The following SULF1 variants were observed in gnomAD, a reference collection of about 807,000 sequenced individuals.
SULF1 encodes the protein sulfatase 1, also known as extracellular sulfatase Sulf-1.
A neutral mutation model predicts 110.5 loss-of-function variants in SULF1; 46 were observed. That is an observed-to-expected ratio of 0.42 (90% CI 0.33 to 0.53). The LOEUF (loss-of-function observed/expected upper bound fraction) is 0.53. Among genes scored for constraint, SULF1 ranks in the 20% least tolerant of loss-of-function variants. The pLI, the probability that SULF1 is intolerant of heterozygous loss-of-function variation, is 0.12. For missense variants in SULF1, 941 were observed against 1,094.2 expected, an observed-to-expected ratio of 0.86 and a Z score of 1.98; for synonymous variants, 371 against 387.1, an observed-to-expected ratio of 0.96 and a Z score of 0.49.
chr8:69,535,497 A>AC lies in SULF1; in HGVS notation c.-133-28042_-133-28041insC, dbSNP rs57855879. On this transcript the variant is annotated intron_variant, in intron 3 of 22. Transcript: ENST00000402687. Reference sequence around the variant, plus strand: ...GTACAAGGGATAGCAAAGAGGAAAAATTATTTCCTCAAAACAAAATCAGGG... The same window carrying AC: ...GTACAAGGGATAGCAAAGAGGAAAAACTTATTTCCTCAAAACAAAATCAGGG... Among the ~76,000 whole-genome samples the AC allele has an allele frequency of 6.2e-3, 931 of 151,254 alleles. 15 individuals are homozygous for AC. Among genetic ancestry groups the AC allele is most frequent in the African/African-American group, 0.021 (858 of 41,130 alleles).
In SULF1 at chr8:69,627,793, ATTAAGAAT is replaced by A; in HGVS notation, c.1976_1983del (p.Asn659ArgfsTer12). ...CCAGATTGAAGCTCTGCAAGATAAA[ATTAAGAAT>A]TTAAGAGAAGTGAGAGGACATCTGA... On this transcript the variant is annotated frameshift_variant, in exon 17 of 23. Coordinates refer to ENST00000402687, the MANE Select transcript of SULF1 (RefSeq NM_001128205.2). LOFTEE classifies it high-confidence loss of function. 6.2e-7 allele frequency: 1 copy of A among 1,612,346 alleles called. No homozygotes were observed. Among genetic ancestry groups the A allele is most frequent in the Non-Finnish European group, 8.5e-7 (1 of 1,179,238 alleles).
At chr8:69,507,952 A>G (rs192528544) in intron 3 of SULF1, among the ~76,000 whole-genome samples, 220 of 152,344 alleles carry the variant, frequency 1.4e-3, no homozygotes, top group African/African-American at 4.9e-3. Context: ...ATATATTTGA[A>G]GACTGCTTTG....
chr8:69,516,367 G>GGGAGAA (rs1297980448), intron 3 of SULF1, among the ~76,000 whole-genome samples: 2 of 135,062 alleles, frequency 1.5e-5, no homozygotes, highest in Admixed American at 1.5e-4. Flanking sequence ...GGAGAGTAAA[G>GGGAGAA]GGAGAAGTGC....
chr8:69,656,821 CCTTT>C (rs1812770755), intron 22 of SULF1, among the ~76,000 whole-genome samples: 3 of 152,164 alleles, frequency 2.0e-5, no homozygotes, highest in Non-Finnish European at 4.4e-5. Flanking sequence ...GATTTATATT[CCTTT>C]GAGTACATAT....
intron 3 of SULF1, chr8:69,563,133 A>G (rs898388349): frequency 6.6e-6 from 1 of 152,502 alleles, no homozygotes. Flanking sequence ...GGTACTCAGT[A>G]TCACACGCAG....
chr8:69,611,204 A>T (rs1808626380), intron 13 of SULF1, among the ~76,000 whole-genome samples: 1 of 152,250 alleles, frequency 6.6e-6, no homozygotes, highest in South Asian at 2.1e-4. Context: ...TATGAATTAA[A>T]TGTATCAAGC....
intron 3 of SULF1, among the ~76,000 whole-genome samples, chr8:69,502,528 A>G (rs1012809259): frequency 1.3e-5 from 2 of 152,028 alleles, no homozygotes; most frequent in African/African-American, 4.8e-5. Flanking sequence ...TGAGGGTACA[A>G]CCTCATGAGG....
intron 1 of SULF1, among the ~76,000 whole-genome samples, chr8:69,474,455 T>A (rs938619509): frequency 6.6e-6 from 1 of 152,188 alleles, no homozygotes; most frequent in East Asian, 1.9e-4. Flanking sequence ...TGTAAACAGA[T>A]GTGCTTTACC....
chr8:69,538,960 G>A (rs936985213), intron 3 of SULF1, among the ~76,000 whole-genome samples: 22 of 152,180 alleles, frequency 1.4e-4, no homozygotes, highest in African/African-American at 4.8e-4. Context: ...CAAAGTGCTG[G>A]GATTGCAGGC....
chr8:69,570,167 A>T (rs1456515614), intron 5 of SULF1, among the ~76,000 whole-genome samples: 1 of 152,164 alleles, frequency 6.6e-6, no homozygotes, highest in African/African-American at 2.4e-5. Flanking sequence ...ACAATCAGTA[A>T]GAGCTGGGTT....
intron 13 of SULF1, among the ~76,000 whole-genome samples, chr8:69,615,152 T>C (rs1010128581): frequency 2.0e-5 from 3 of 152,222 alleles, no homozygotes; most frequent in Non-Finnish European, 4.4e-5. Context: ...GTGCCTCACC[T>C]GAGCTCAGGC....
chr8:69,606,790 C>G (rs72658276), intron 13 of SULF1, among the ~76,000 whole-genome samples: 34,831 of 152,138 alleles, frequency 0.23, 4,078 homozygotes, highest in Middle Eastern at 0.29. Flanking sequence ...GAAATGCTTT[C>G]ATATCTGGAA....
At chr8:69,490,667 A>T (rs1047154998), upstream of SULF1, among the ~76,000 whole-genome samples, 2 of 152,166 alleles carry the variant, frequency 1.3e-5, no homozygotes, top group Non-Finnish European at 2.9e-5. Context: ...ATGAGATAAT[A>T]TCTCAGGTTT....
chr8:69,528,092 A>G (rs1390839645), intron 3 of SULF1, among the ~76,000 whole-genome samples: 1 of 152,114 alleles, frequency 6.6e-6, no homozygotes, highest in Non-Finnish European at 1.5e-5. Flanking sequence ...TCTTCCTCTA[A>G]TCCTTTTCAG....
At position 69,563,980 on chromosome 8, in the gene SULF1, A is replaced by G. The variant is rs1437157938; in HGVS notation, c.5A>G (p.Lys2Arg). M[K>R]YSCCALVLAV... Reference sequence around the variant, plus strand: ...TGCAACATTGGACCAAATACAATGAAGTATTCTTGCTGTGCTCTGGTTTTG... The same window carrying G: ...TGCAACATTGGACCAAATACAATGAGGTATTCTTGCTGTGCTCTGGTTTTG... The change falls in exon 5 of 23, where the codon AAG becomes AGG. Residue 2 changes from lysine (K) to arginine (R), a missense_variant. By Grantham distance (26) the Lys-to-Arg change is conservative. This residue lies in a region of SULF1 where 822 missense variants were observed against 934.3 expected (regional missense o/e 0.88). Coordinates refer to ENST00000402687, the MANE Select transcript of SULF1 (RefSeq NM_001128205.2). 23 of 1,613,996 alleles carry G rather than the reference A, an allele frequency of 1.4e-5. No homozygotes were observed. Among genetic ancestry groups the G allele is most frequent in the East Asian group, 6.7e-5 (3 of 44,898 alleles).
At chr8:69,479,267 A>G (rs1170096562) in intron 1 of SULF1, among the ~76,000 whole-genome samples, 1 of 152,194 alleles carries the variant, frequency 6.6e-6, no homozygotes, top group Non-Finnish European at 1.5e-5. Flanking sequence ...GATTGTGACA[A>G]TTCTGTTTTC....
chr8:69,547,315 C>G (rs141733203), intron 3 of SULF1, among the ~76,000 whole-genome samples: 1 of 152,118 alleles, frequency 6.6e-6, no homozygotes, highest in African/African-American at 2.4e-5. Flanking sequence ...CAGAAGGAAT[C>G]ATTTTATCCA....
intron 2 of SULF1, among the ~76,000 whole-genome samples, chr8:69,497,286 T>C (rs1462786843): frequency 6.6e-6 from 1 of 151,444 alleles, no homozygotes; most frequent in African/African-American, 2.4e-5. Flanking sequence ...GCCTCCTGAG[T>C]AGCTGGGATT....
intron 21 of SULF1, among the ~76,000 whole-genome samples, chr8:69,639,416 A>G (rs534788907): frequency 1.3e-5 from 2 of 152,338 alleles, no homozygotes; most frequent in South Asian, 4.1e-4. Flanking sequence ...TCTGAATGGA[A>G]TCAGCCAGAT....
Sources: allele counts gnomAD v4.1 joint callset (sites outside exome capture counted in the v4.1 genomes callset), GRCh38; gene constraint gnomAD v4.1.1; regional missense constraint gnomAD v4.1.1; transcripts MANE v1.5; gene names NCBI Gene and HGNC (gene_info 2026-07-23, HGNC 2026-07-21).